TCP11L2: variants seen among roughly 807,000 people sequenced by gnomAD.
TCP11L2 encodes the protein T-complex protein 11-like protein 2.
TCP11L2 carries 39 observed loss-of-function variants against 50.7 expected under a neutral mutation model. The observed-to-expected ratio is 0.77, with a 90% CI of 0.60 to 1.01. TCP11L2 has a LOEUF of 1.01. TCP11L2 is among the 50% of genes least tolerant of loss of function. The pLI, the probability that TCP11L2 is intolerant of heterozygous loss-of-function variation, is 0.00. For synonymous variants in TCP11L2, 192 were observed against 219.3 expected (o/e 0.88, Z 1.10); for missense variants, 612 against 614.7 (o/e 1.00, Z 0.05).
At chr12:106,322,814 C>A (rs776091704) in intron 5 of TCP11L2, among the ~76,000 whole-genome samples, 3 of 152,160 alleles carry the variant, frequency 2.0e-5, no homozygotes, top group Non-Finnish European at 4.4e-5. Context: ...TCCTTAGAGT[C>A]GTGCTCGGCT....
rs1478296987 is a variant in TCP11L2, at chr12:106,314,858, T to C, written c.293+365T>C. Reference sequence around the variant, plus strand: ...CTGTAAAAAATAAAAATAAAAATATTATCCAGCATGGTGGCATGAGCCTGT... The same window carrying C: ...CTGTAAAAAATAAAAATAAAAATATCATCCAGCATGGTGGCATGAGCCTGT... On this transcript the variant is annotated intron_variant, in intron 3 of 9. Transcript: ENST00000299045. 2.0e-5 allele frequency among the ~76,000 whole-genome samples: 3 copies of C among 151,480 alleles called. No homozygotes were observed. The East Asian group carries it at 5.8e-4, about 29-fold the overall frequency.
intron 9 of TCP11L2, among the ~76,000 whole-genome samples, chr12:106,341,686 A>G (rs572736134): frequency 4.6e-5 from 7 of 152,280 alleles, no homozygotes; most frequent in Non-Finnish European, 8.8e-5. Flanking sequence ...TCTCAACACT[A>G]CCTTCTCCTG....
At chr12:106,325,892 G>GGAA (rs537713534) in intron 6 of TCP11L2, 30 of 90,226 alleles carry the variant, frequency 3.3e-4, no homozygotes, top group Middle Eastern at 6.6e-3. Context: ...CTCCGTCTCG[G>GGAA]AAAAAAAAAA....
At position 106,329,390 on chromosome 12, in the gene TCP11L2, A is replaced by G. The variant is rs917415665; in HGVS notation, c.772+5744A>G. 3.3e-6 allele frequency: 5 copies of G among 1,535,960 alleles called. No individual in the cohort carries two copies. The African/African-American group carries it at 6.8e-5, about 21-fold the overall frequency. On this transcript the variant is annotated intron_variant, in intron 6 of 9. Coordinates refer to ENST00000299045, the MANE Select transcript of TCP11L2 (RefSeq NM_152772.3). ...CCTTGCTTTTGGAACCAGAGAGAGC[A>G]GTCACCGTGCCAGCCTGTGAGAGTG... is the stretch of plus-strand genomic sequence containing the variant.
At chr12:106,319,705 C>T (rs1198373003) in intron 4 of TCP11L2, among the ~76,000 whole-genome samples, 8 of 152,232 alleles carry the variant, frequency 5.3e-5, no homozygotes, top group African/African-American at 1.9e-4. Flanking sequence ...GAACACTGTA[C>T]AGTAGTTGCT....
chr12:106,327,691 T>C lies in TCP11L2; in HGVS notation c.772+4045T>C, dbSNP rs192739644. ...AGTCACTCTGCCAAAAGTCAGCCCC[T>C]GTGCCCTAATATCAAAATAAGAGCC... is the stretch of plus-strand genomic sequence containing the variant. On this transcript the variant is annotated intron_variant, in intron 6 of 9. Transcript: ENST00000299045. Among the ~76,000 whole-genome samples, 279 of 152,322 alleles carry C rather than the reference T, an allele frequency of 1.8e-3. 1 individual carries two copies. Among genetic ancestry groups the C allele is most frequent in the Non-Finnish European group, 2.8e-3 (191 of 68,030 alleles).
At position 106,336,013 on chromosome 12, in the gene TCP11L2, T is replaced by C; in HGVS notation, c.961-19T>C. On this transcript the variant is annotated intron_variant, in intron 7 of 9. Transcript: ENST00000299045. ...TTGAGCTACCCTTTCTATTTTTATA[T>C]TTTAAATAAATATGTTAGACACTTA... The C allele has an allele frequency of 6.4e-7, 1 of 1,560,864 alleles. No homozygotes were observed. The highest frequency in any genetic ancestry group is 1.2e-5 in the South Asian group (1 of 81,822).
chr12:106,323,496 T>A lies in TCP11L2; in HGVS notation c.636-14T>A. The A allele has an allele frequency of 3.3e-6, 5 of 1,531,622 alleles. No homozygotes were observed. Among genetic ancestry groups the A allele is most frequent in the Non-Finnish European group, 4.4e-6 (5 of 1,132,922 alleles). 94.9% of individuals were successfully genotyped at this position (1,531,622 alleles called of 1,614,324 possible). On this transcript the variant is annotated splice_polypyrimidine_tract_variant and intron_variant, in intron 5 of 9. Transcript: ENST00000299045. ...TTCTTAATCATCTCTCTATTTTAAT[T>A]CTAAAATTTTTAGACAAATATTCCA...
Position 106,346,604 on chromosome 12 carries a change from A to G in TCP11L2, c.*74A>G. 7 of 1,536,100 alleles carry G rather than the reference A, an allele frequency of 4.6e-6. No individual in the cohort carries two copies. The highest frequency in any genetic ancestry group is 6.1e-6 in the Non-Finnish European group (7 of 1,145,396). On this transcript the variant is annotated 3_prime_UTR_variant, in exon 10 of 10. Transcript: ENST00000299045. Reference sequence around the variant, plus strand: ...CCAGTCCACTTCCATTGATGGCATTAGAGATCCAGCACATTCTCAGTACTG... The same window carrying G: ...CCAGTCCACTTCCATTGATGGCATTGGAGATCCAGCACATTCTCAGTACTG...
chr12:106,330,137 A>G, intron 6 of TCP11L2: 15 of 985,452 alleles, frequency 1.5e-5, no homozygotes, highest in African/African-American at 1.7e-5. Context: ...AACTGGGCCT[A>G]AAGCAAAATA....
intron 1 of TCP11L2, among the ~76,000 whole-genome samples, chr12:106,306,515 G>A (rs1006798492): frequency 3.9e-5 from 6 of 152,278 alleles, no homozygotes; most frequent in Admixed American, 3.3e-4. Flanking sequence ...TTGATTGACT[G>A]ATACTGTCCT....
rs757196033 is a variant in TCP11L2, at chr12:106,318,355, G to A, written c.305G>A (p.Arg102Gln). 32 of 1,612,932 alleles carry A rather than the reference G, an allele frequency of 2.0e-5. No individual in the cohort carries two copies. Among genetic ancestry groups the A allele is most frequent in the South Asian group, 1.9e-4 (17 of 90,982 alleles). ...EALPEKSLAG[R>Q]VKHIVHQAFW... ...TTTTATTGCCATAGTTTGGCTGGTC[G>A]AGTGAAGCACATTGTTCACCAGGCC... Residue 102 changes from arginine (R) to glutamine (Q), a missense_variant, in exon 4 of 10, where the codon CGA becomes CAA. By Grantham distance (43) the Arg-to-Gln change is conservative. Coordinates refer to ENST00000299045, the MANE Select transcript of TCP11L2 (RefSeq NM_152772.3).
At chr12:106,343,048 C>T (rs2036134506) in intron 9 of TCP11L2, among the ~76,000 whole-genome samples, 1 of 152,132 alleles carries the variant, frequency 6.6e-6, no homozygotes, top group East Asian at 1.9e-4. Flanking sequence ...GTACTGTTGC[C>T]CTAGCAACTT....
Position 106,334,680 on chromosome 12 carries a change from C to T in TCP11L2, c.773-959C>T, listed in dbSNP as rs184653398. Among the ~76,000 whole-genome samples the T allele has an allele frequency of 5.7e-3, 869 of 152,312 alleles. 3 individuals carry two copies. The highest frequency in any genetic ancestry group is 0.03 in the South Asian group (143 of 4,822). Reference sequence around the variant, plus strand: ...TTATTCAGCCGGGCGCAGTGGCTCACGCCTGTAATCCCAACACTTTTGGGG... The same window carrying T: ...TTATTCAGCCGGGCGCAGTGGCTCATGCCTGTAATCCCAACACTTTTGGGG... On this transcript the variant is annotated intron_variant, in intron 6 of 9. Transcript: ENST00000299045.
At chr12:106,326,079 G>A (rs544421391) in intron 6 of TCP11L2, among the ~76,000 whole-genome samples, 5 of 152,214 alleles carry the variant, frequency 3.3e-5, no homozygotes, top group African/African-American at 1.2e-4. Context: ...AGCTGCAAGA[G>A]GCTGGCTAAC....
intron 2 of TCP11L2, 130 bp from the exon 3 acceptor site, chr12:106,314,228 T>G (rs1326766634): frequency 1.2e-4 from 101 of 863,218 alleles, no homozygotes; most frequent in Non-Finnish European, 1.7e-4. Context: ...TATTTTAATA[T>G]ATAGTCTCCT....
At chr12:106,308,716 C>A (rs2034728447) in intron 1 of TCP11L2, among the ~76,000 whole-genome samples, 1 of 152,170 alleles carries the variant, frequency 6.6e-6, no homozygotes, top group Non-Finnish European at 1.5e-5. Context: ...AGGTTTAAAT[C>A]TAATAAGATA....
chr12:106,315,936 C>T (rs1394781529), intron 3 of TCP11L2, among the ~76,000 whole-genome samples: 1 of 152,192 alleles, frequency 6.6e-6, no homozygotes, highest in Non-Finnish European at 1.5e-5. Context: ...AATATTTGAT[C>T]CCATTCAGAA....
chr12:106,345,836 C>T (rs1251287722), intron 9 of TCP11L2, among the ~76,000 whole-genome samples: 1 of 152,178 alleles, frequency 6.6e-6, no homozygotes, highest in Non-Finnish European at 1.5e-5. Context: ...TTTGCTGATC[C>T]TGGCTGGACT....
Sources: gnomAD v4.1 joint callset for allele counts (sites outside exome capture counted in the v4.1 genomes callset) on GRCh38, gnomAD v4.1.1 for gene constraint, MANE v1.5 for transcripts, NCBI Gene and HGNC (gene_info 2026-07-23, HGNC 2026-07-21) for gene names.